The following NDE1 variants were observed in gnomAD, a reference collection of about 807,000 sequenced individuals.
NDE1 encodes the protein nudE neurodevelopment protein 1.
NDE1 carries 28 observed loss-of-function variants against 43.4 expected under a neutral mutation model. The ratio of observed to expected loss-of-function variants is 0.65; its 90% CI spans 0.48 to 0.89. The LOEUF (loss-of-function observed/expected upper bound fraction) is 0.89, where lower values mean the gene tolerates loss of function less well. NDE1 is among the 40% of genes least tolerant of loss of function. The probability of loss-of-function intolerance (pLI) is 0.00; values close to 1 mark genes in which losing one functional copy is unlikely to be tolerated. For missense variants in NDE1, 441 were observed against 434.1 expected (o/e 1.02, Z -0.14); for synonymous variants, 184 against 172.0 (o/e 1.07, Z -0.55).
chr16:15,668,797 C>G lies in NDE1; in HGVS notation c.237+1358C>G, dbSNP rs151092272. ...TCATTACCAAAAGGTGTGTTGCACT[C>G]TGCCAGTTCAGAGCAGGTTTCTCGA... On this transcript the variant is annotated intron_variant, in intron 3 of 8. Coordinates refer to ENST00000396354, the MANE Select transcript of NDE1 (RefSeq NM_017668.3). Among the ~76,000 whole-genome samples the G allele has an allele frequency of 3.9e-3, 587 of 152,338 alleles. 8 individuals carry two copies. The highest frequency in any genetic ancestry group is 0.013 in the African/African-American group (546 of 41,584).
At position 15,724,481 on chromosome 16, in the gene NDE1, C is replaced by T; in HGVS notation, c.*230C>T. The T allele has an allele frequency of 6.2e-7, 1 of 1,609,412 alleles. No individual in the cohort carries two copies. Among genetic ancestry groups the T allele is most frequent in the Admixed American group, 1.7e-5 (1 of 59,938 alleles). The stretch of plus-strand genomic sequence containing the variant: ...GCCCCTGTCCCTGGCCCCACAGACT[C>T]TGAGAAGCGAAGACCATGTCTCCTC... On this transcript the variant is annotated 3_prime_UTR_variant, in exon 9 of 9. Coordinates refer to ENST00000396354, the MANE Select transcript of NDE1 (RefSeq NM_017668.3).
intron 3 of NDE1, among the ~76,000 whole-genome samples, chr16:15,672,961 C>T (rs2037675143): frequency 1.3e-5 from 2 of 152,162 alleles, no homozygotes; most frequent in Non-Finnish European, 2.9e-5. Context: ...CCTCCTCATC[C>T]TTCCAACGCT....
At chr16:15,719,120 T>A in intron 8 of NDE1, 7 of 1,208,500 alleles carry the variant, frequency 5.8e-6, no homozygotes, top group Non-Finnish European at 8.3e-6. Context: ...AGAATGAAAC[T>A]CTGTCTCGAA....
chr16:15,666,997 G>A (rs558702114), intron 2 of NDE1, among the ~76,000 whole-genome samples: 7 of 152,286 alleles, frequency 4.6e-5, no homozygotes, highest in Non-Finnish European at 1.0e-4. Context: ...TGTAATCCCA[G>A]CACTTTGAGA....
intron 6 of NDE1, among the ~76,000 whole-genome samples, chr16:15,692,322 C>CTT (rs1379846111): frequency 2.6e-5 from 4 of 152,202 alleles, no homozygotes; most frequent in African/African-American, 9.6e-5. Flanking sequence ...GGCTCCAGGG[C>CTT]TTACCCTACC....
intron 3 of NDE1, among the ~76,000 whole-genome samples, chr16:15,674,093 ATG>A (rs1219784628): frequency 6.6e-6 from 1 of 152,132 alleles, no homozygotes; most frequent in Non-Finnish European, 1.5e-5. Context: ...TAAGTATGTA[ATG>A]GATGTTATTG....
At chr16:15,713,708 T>A (rs916624410) in intron 8 of NDE1, 2 of 152,220 alleles carry the variant, frequency 1.3e-5, no homozygotes, top group Non-Finnish European at 2.9e-5. Context: ...GCTCTTGAAC[T>A]CCTGAGCTCA....
chr16:15,667,632 G>GT lies in NDE1; in HGVS notation c.237+209dup, dbSNP rs1278177492. Among the ~76,000 whole-genome samples, 163 of 132,818 alleles carry GT rather than the reference G, an allele frequency of 1.2e-3. 3 individuals are homozygous for GT. Among genetic ancestry groups the GT allele is most frequent in the African/African-American group, 1.8e-3 (64 of 35,906 alleles). The allele number at this position is 132,818 out of a possible 152,430, so 87.1% of individuals were successfully genotyped here. On this transcript the variant is annotated intron_variant, in intron 3 of 8. Transcript: ENST00000396354. ...TCTAGTGGGTGGTGCTTTTTGTTTT[G>GT]TTTTTTTTTTTTTTTTGAGATGGAG... is the stretch of plus-strand genomic sequence containing the variant.
intron 1 of NDE1, among the ~76,000 whole-genome samples, chr16:15,659,759 T>C (rs1297947163): frequency 2.7e-5 from 4 of 146,748 alleles, no homozygotes; most frequent in Non-Finnish European, 6.0e-5. Flanking sequence ...TTTTTTTTTT[T>C]TTTTTTTGAG....
chr16:15,669,132 C>T (rs1321269729), intron 3 of NDE1, among the ~76,000 whole-genome samples: 2 of 151,366 alleles, frequency 1.3e-5, no homozygotes, highest in African/African-American at 2.4e-5. Context: ...GATCTCCTGA[C>T]CTCAGGATCC....
At chr16:15,649,876 G>T (rs2036410668), upstream of NDE1, among the ~76,000 whole-genome samples, 1 of 152,240 alleles carries the variant, frequency 6.6e-6, no homozygotes, top group Non-Finnish European at 1.5e-5. Flanking sequence ...CTGATTTGGA[G>T]AAAGTGCAAG....
chr16:15,644,631 GA>G (rs1003350505), intron 1 of NDE1, among the ~76,000 whole-genome samples: 4 of 151,996 alleles, frequency 2.6e-5, no homozygotes, highest in African/African-American at 9.6e-5. Flanking sequence ...GAAAGAAAAA[GA>G]AAAAAATCTT....
chr16:15,716,655 G>A (rs1372149600), intron 8 of NDE1, among the ~76,000 whole-genome samples: 1 of 152,194 alleles, frequency 6.6e-6, no homozygotes, highest in African/African-American at 2.4e-5. Flanking sequence ...CTGAGTAGCT[G>A]AGATAATAGG....
intron 3 of NDE1, among the ~76,000 whole-genome samples, chr16:15,668,377 A>C (rs886388979): frequency 6.6e-6 from 1 of 152,132 alleles, no homozygotes; most frequent in African/African-American, 2.4e-5. Context: ...AAGTCCTTCC[A>C]CCTGAACCTC....
chr16:15,675,632 T>G lies in NDE1; in HGVS notation c.238-2169T>G, dbSNP rs1431252985. On this transcript the variant is annotated intron_variant, in intron 3 of 8. Coordinates refer to ENST00000396354, the MANE Select transcript of NDE1 (RefSeq NM_017668.3). ...CACATTTTTTGTAGAGGCAGAGTCT[T>G]GCCCAGGCTGGTCGAGAACTCCTGG... Among the ~76,000 whole-genome samples, 5 of 152,148 alleles carry G rather than the reference T, an allele frequency of 3.3e-5. No homozygotes were observed. In the South Asian group the frequency reaches 8.3e-4, roughly 25 times the overall value.
At chr16:15,664,598 G>T in intron 1 of NDE1, 138 bp from the exon 2 acceptor site, 2 of 602,976 alleles carry the variant, frequency 3.3e-6, no homozygotes, top group Non-Finnish European at 5.9e-6. Context: ...CTCGTGATCC[G>T]CCCGCCTCAG....
chr16:15,673,404 C>T (rs908804986), intron 3 of NDE1, among the ~76,000 whole-genome samples: 2 of 151,972 alleles, frequency 1.3e-5, no homozygotes, highest in Non-Finnish European at 2.9e-5. Context: ...GGGGTTTCAC[C>T]GTGTTGGCCA....
At chr16:15,711,010 C>T (rs1414947230) in intron 8 of NDE1, 2 of 152,422 alleles carry the variant, frequency 1.3e-5, no homozygotes. Flanking sequence ...CAGCTCTCCT[C>T]CACTGACCCC....
intron 1 of NDE1, among the ~76,000 whole-genome samples, chr16:15,661,448 G>A (rs62036926): frequency 0.056 from 8,523 of 151,028 alleles, 268 homozygotes; most frequent in East Asian, 0.11. Flanking sequence ...GCGCCCGGCC[G>A]AGTTTTCCTT....
Sources: allele counts gnomAD v4.1 joint callset (sites outside exome capture counted in the v4.1 genomes callset), GRCh38; gene constraint gnomAD v4.1.1; transcripts MANE v1.5; gene names NCBI Gene and HGNC (gene_info 2026-07-23, HGNC 2026-07-21).